Variants in FAM78B observed in about 807,000 individuals in gnomAD.
FAM78B encodes the protein family with sequence similarity 78 member B, also known as protein FAM78B.
Under a neutral mutation model 20.0 loss-of-function variants are expected in FAM78B, and 10 were observed. That is an observed-to-expected ratio of 0.50 (90% CI 0.31 to 0.85). The LOEUF (loss-of-function observed/expected upper bound fraction) is 0.85, where lower values mean the gene tolerates loss of function less well. FAM78B is among the 40% of genes least tolerant of loss of function. The pLI, the probability that FAM78B is intolerant of heterozygous loss-of-function variation, is 0.05. For synonymous variants in FAM78B, 135 were observed against 132.8 expected (o/e 1.02, Z -0.12); for missense variants, 283 against 345.0 (o/e 0.82, Z 1.42).
At chr1:166,100,455 G>C (rs1478004847) in intron 1 of FAM78B, among the ~76,000 whole-genome samples, 4 of 152,168 alleles carry the variant, frequency 2.6e-5, no homozygotes, top group Non-Finnish European at 4.4e-5. Context: ...AAGGAAAGGG[G>C]TGACAGATGG....
At position 166,069,607 on chromosome 1, in the gene FAM78B, GAC is replaced by G. The variant is rs1651934751; in HGVS notation, c.*632_*633del. On this transcript the variant is annotated 3_prime_UTR_variant, in exon 2 of 2. Coordinates refer to ENST00000354422, the MANE Select transcript of FAM78B (RefSeq NM_001017961.5). ...TCCGTTAGTTCACATCAGCACCTTGGACAGTTCCAAGGAGGCTTTCTCCCTCA... is the reference window on the plus strand; with the variant it reads ...TCCGTTAGTTCACATCAGCACCTTGGAGTTCCAAGGAGGCTTTCTCCCTCA... The G allele has an allele frequency of 6.6e-6, 1 of 152,220 alleles. No homozygotes were observed. The highest frequency in any genetic ancestry group is 2.1e-4 in the South Asian group (1 of 4,834). The allele number at this position is 152,220 out of a possible 1,614,324, so 9.4% of individuals were successfully genotyped here.
downstream of FAM78B, among the ~76,000 whole-genome samples, chr1:166,056,981 C>T (rs1460315694): frequency 6.6e-6 from 1 of 152,196 alleles, no homozygotes; most frequent in Admixed American, 6.5e-5. Context: ...CTTTGCACCA[C>T]GTGAGGGCAC....
chr1:166,136,820 C>T (rs1231139795), intron 1 of FAM78B, among the ~76,000 whole-genome samples: 1 of 152,216 alleles, frequency 6.6e-6, no homozygotes, highest in Non-Finnish European at 1.5e-5. Flanking sequence ...TGCTCAGTTC[C>T]TGAGAGGGAA....
At chr1:166,135,272 G>A (rs748339056) in intron 1 of FAM78B, among the ~76,000 whole-genome samples, 26 of 152,184 alleles carry the variant, frequency 1.7e-4, no homozygotes, top group Non-Finnish European at 3.1e-4. Flanking sequence ...AAACTATAAA[G>A]TATAACAGCA....
downstream of FAM78B, among the ~76,000 whole-genome samples, chr1:166,056,184 AT>A (rs1227938976): frequency 1.3e-5 from 2 of 151,810 alleles, no homozygotes; most frequent in East Asian, 3.9e-4. Context: ...CTTTTCTTAA[AT>A]TTTTTTTCCA....
intron 1 of FAM78B, among the ~76,000 whole-genome samples, chr1:166,152,565 C>G (rs966573846): frequency 1.3e-5 from 2 of 152,142 alleles, no homozygotes; most frequent in African/African-American, 4.8e-5. Flanking sequence ...GAACTGGCCC[C>G]GGACACTTGT....
chr1:166,165,750 C>T (rs905696314), intron 1 of FAM78B, among the ~76,000 whole-genome samples: 1 of 152,142 alleles, frequency 6.6e-6, no homozygotes. Flanking sequence ...TTTCTCCTCG[C>T]GTTTCTGGGA....
chr1:166,166,705 A>T lies in FAM78B; in HGVS notation c.-457T>A, dbSNP rs1403040273. The T allele has an allele frequency of 6.7e-6, 1 of 149,018 alleles. No individual in the cohort carries two copies. The highest frequency in any genetic ancestry group is 2.4e-5 in the African/African-American group (1 of 40,936). The allele number at this position is 149,018 out of a possible 1,614,324, so 9.2% of individuals were successfully genotyped here. A position where few individuals can be genotyped will look rare whatever the true frequency, so the allele number is the denominator to read the frequency against. Reference sequence around the variant, plus strand: ...GTCTGTCTGCCTCCGCGGCGGCAGCAGCAGCAGCCGCCGCCGCCGCCGCCG... The same window carrying T: ...GTCTGTCTGCCTCCGCGGCGGCAGCTGCAGCAGCCGCCGCCGCCGCCGCCG... On this transcript the variant is annotated 5_prime_UTR_variant, in exon 1 of 2. Coordinates refer to ENST00000354422, the MANE Select transcript of FAM78B (RefSeq NM_001017961.5).
chr1:166,075,079 G>A (rs552099710), intron 1 of FAM78B, among the ~76,000 whole-genome samples: 1 of 152,338 alleles, frequency 6.6e-6, no homozygotes, highest in East Asian at 1.9e-4. Context: ...GGTAGTATCG[G>A]TTTGTGGAGC....
chr1:166,106,929 A>T (rs925258219), intron 1 of FAM78B, among the ~76,000 whole-genome samples: 6 of 148,436 alleles, frequency 4.0e-5, no homozygotes, highest in Non-Finnish European at 7.5e-5. Context: ...ATACAAAAGT[A>T]AAAAAAAAAA....
intron 1 of FAM78B, among the ~76,000 whole-genome samples, chr1:166,140,717 C>T (rs1655245725): frequency 6.6e-6 from 1 of 152,308 alleles, no homozygotes; most frequent in East Asian, 1.9e-4. Context: ...TCTAAGAAAA[C>T]ACTTGAGGCA....
intron 1 of FAM78B, among the ~76,000 whole-genome samples, chr1:166,081,572 C>T (rs910062038): frequency 6.6e-6 from 1 of 152,184 alleles, no homozygotes; most frequent in Non-Finnish European, 1.5e-5. Flanking sequence ...AGGGTCGTGT[C>T]CCCTGACCAC....
At chr1:166,071,876 C>T (rs1652044871) in intron 1 of FAM78B, among the ~76,000 whole-genome samples, 1 of 152,092 alleles carries the variant, frequency 6.6e-6, no homozygotes, top group African/African-American at 2.4e-5. Context: ...CTCAGGCTGT[C>T]TAATGAGTTA....
chr1:166,078,460 C>T (rs1049983642), intron 1 of FAM78B, among the ~76,000 whole-genome samples: 2 of 152,204 alleles, frequency 1.3e-5, no homozygotes, highest in African/African-American at 2.4e-5. Context: ...GCCAATGGGC[C>T]TAATAATGAA....
chr1:166,137,679 C>T (rs1655118353), intron 1 of FAM78B, among the ~76,000 whole-genome samples: 1 of 152,144 alleles, frequency 6.6e-6, no homozygotes, highest in Non-Finnish European at 1.5e-5. Context: ...TATTAGAATT[C>T]CAGAACTTTG....
intron 1 of FAM78B, among the ~76,000 whole-genome samples, chr1:166,151,154 C>T (rs1655662584): frequency 6.6e-6 from 1 of 152,156 alleles, no homozygotes. Context: ...CTTGTAATAG[C>T]TCAAGAGTTC....
At chr1:166,109,710 G>A (rs917862654) in intron 1 of FAM78B, among the ~76,000 whole-genome samples, 11 of 148,390 alleles carry the variant, frequency 7.4e-5, no homozygotes, top group African/African-American at 2.5e-4. Context: ...ACTTGGACAC[G>A]CATGTTTATA....
intron 1 of FAM78B, among the ~76,000 whole-genome samples, chr1:166,131,412 C>T (rs1654873785): frequency 6.6e-6 from 1 of 152,162 alleles, no homozygotes; most frequent in Non-Finnish European, 1.5e-5. Context: ...GGCAAAACTG[C>T]TCCAGAGTTA....
intron 2 of FAM78B, chr1:166,060,731 C>T: frequency 9.8e-7 from 1 of 1,020,702 alleles, no homozygotes; most frequent in South Asian, 1.5e-5. Flanking sequence ...AATGTCATTC[C>T]CTAAAAGCAG....
Sources: gnomAD v4.1 joint callset for allele counts (sites outside exome capture counted in the v4.1 genomes callset) on GRCh38, gnomAD v4.1.1 for gene constraint, MANE v1.5 for transcripts, NCBI Gene and HGNC (gene_info 2026-07-23, HGNC 2026-07-21) for gene names.